Variants in B4GALT1 observed in about 807,000 individuals in gnomAD.
B4GALT1 encodes the protein beta-1,4-galactosyltransferase 1.
Under a neutral mutation model 34.9 loss-of-function variants are expected in B4GALT1, and 16 were observed. The observed-to-expected ratio is 0.46, with a 90% CI of 0.31 to 0.70. The LOEUF (loss-of-function observed/expected upper bound fraction) is 0.70. B4GALT1 is among the 30% of genes least tolerant of loss of function. B4GALT1 has a pLI of 0.05. For synonymous variants in B4GALT1, 221 were observed against 218.1 expected (o/e 1.01, Z -0.12); for missense variants, 445 against 530.5 (o/e 0.84, Z 1.58).
the B4GALT1 span, among the ~76,000 whole-genome samples, chr9:33,178,476 C>T: frequency 5.3e-4 from 81 of 152,302 alleles, no homozygotes; most frequent in Middle Eastern, 3.4e-3. Flanking sequence ...AAATAAACTG[C>T]GTGTCAGGAT....
chr9:33,126,648 T>C (rs953558835), intron 2 of B4GALT1, among the ~76,000 whole-genome samples: 1 of 152,246 alleles, frequency 6.6e-6, no homozygotes, highest in Non-Finnish European at 1.5e-5. Context: ...TTGTTAACTA[T>C]TGTTAACCAT....
rs10701535 is a variant in B4GALT1, at chr9:33,150,233, T to TACACACACACACACACACACACAC, written c.413-14833_413-14810dup. Reference sequence around the variant, plus strand: ...TAATATCTATCTATCTACAGGTAGATACACACACACACACACACACACACA... The same window carrying TACACACACACACACACACACACAC: ...TAATATCTATCTATCTACAGGTAGATACACACACACACACACACACACACACACACACACACACACACACACACA... On this transcript the variant is annotated intron_variant, in intron 1 of 5. Transcript: ENST00000379731. Among the ~76,000 whole-genome samples the TACACACACACACACACACACACAC allele has an allele frequency of 2.2e-5, 3 of 138,170 alleles. No individual in the cohort carries two copies. In the South Asian group the frequency reaches 7.3e-4, roughly 34 times the overall value. The allele number at this position is 138,170 out of a possible 152,430, so 90.6% of individuals were successfully genotyped here.
the B4GALT1 span, among the ~76,000 whole-genome samples, chr9:33,181,284 G>C: frequency 2.6e-5 from 4 of 152,018 alleles, no homozygotes; most frequent in Non-Finnish European, 5.9e-5. Context: ...AGCCAGGCGT[G>C]GTGGTGGTAT....
In B4GALT1 at chr9:33,112,455, G is replaced by A. The variant is rs757663178; in HGVS notation, c.*999C>T. On this transcript the variant is annotated 3_prime_UTR_variant, in exon 6 of 6. Coordinates refer to ENST00000379731, the MANE Select transcript of B4GALT1 (RefSeq NM_001497.4). ...AGGCCTTACCTGCCAAGGGGCCAGAGGGTGATTTTGCTCTTGAGAAAACCT... is the reference window on the plus strand; with the variant it reads ...AGGCCTTACCTGCCAAGGGGCCAGAAGGTGATTTTGCTCTTGAGAAAACCT... The A allele has an allele frequency of 3.3e-5, 5 of 152,664 alleles. No homozygotes were observed. The highest frequency in any genetic ancestry group is 7.2e-5 in the African/African-American group (3 of 41,464). The allele number at this position is 152,664 out of a possible 1,614,324, so 9.5% of individuals were successfully genotyped here. A position where few individuals can be genotyped will look rare whatever the true frequency, so the allele number is the denominator to read the frequency against.
In B4GALT1 at chr9:33,159,311, G is replaced by A. The variant is rs541584226; in HGVS notation, c.412+7447C>T. Among the ~76,000 whole-genome samples, 3 of 152,306 alleles carry A rather than the reference G, an allele frequency of 2.0e-5. No homozygotes were observed. The South Asian group carries it at 6.2e-4, about 32-fold the overall frequency. ...CAAGCAATGATTGAATCCCCTGCCA[G>A]GGACCCTCCCCATGACCTCTAGGCC... On this transcript the variant is annotated intron_variant, in intron 1 of 5. Coordinates refer to ENST00000379731, the MANE Select transcript of B4GALT1 (RefSeq NM_001497.4).
chr9:33,166,978 C>A lies in B4GALT1; in HGVS notation c.192G>T (p.Ser64=), dbSNP rs763747159. Residue 64 remains serine, a synonymous_variant, in exon 1 of 6, where the codon TCG becomes TCT. Coordinates refer to ENST00000379731, the MANE Select transcript of B4GALT1 (RefSeq NM_001497.4). ...VGVSTPLQGG[S]NSAAAIGQSS... ...ACTGCCCGATGGCGGCGGCACTGTTCGAGCCGCCCTGCAGCGGTGTGGAGA... is the reference window on the plus strand; with the variant it reads ...ACTGCCCGATGGCGGCGGCACTGTTAGAGCCGCCCTGCAGCGGTGTGGAGA... 6.3e-7 allele frequency: 1 copy of A among 1,585,456 alleles called. No homozygotes were observed. The highest frequency in any genetic ancestry group is 1.1e-5 in the South Asian group (1 of 89,022).
chr9:33,155,794 C>A (rs746974958), intron 1 of B4GALT1, among the ~76,000 whole-genome samples: 8 of 152,142 alleles, frequency 5.3e-5, no homozygotes, highest in Middle Eastern at 6.3e-3. Context: ...GCCTTTTGTG[C>A]CCAAGAAGAT....
At position 33,161,443 on chromosome 9, in the gene B4GALT1, T is replaced by G. The variant is rs896850250; in HGVS notation, c.412+5315A>C. On this transcript the variant is annotated intron_variant, in intron 1 of 5. Coordinates refer to ENST00000379731, the MANE Select transcript of B4GALT1 (RefSeq NM_001497.4). ...TCAGCTCACCCGGCAATGGCCCAGATCAACACAGAGGCCCCTACAACTCAG... is the reference window on the plus strand; with the variant it reads ...TCAGCTCACCCGGCAATGGCCCAGAGCAACACAGAGGCCCCTACAACTCAG... 8.5e-5 allele frequency among the ~76,000 whole-genome samples: 13 copies of G among 152,116 alleles called. No individual in the cohort carries two copies. The East Asian group carries it at 1.7e-3, about 20-fold the overall frequency.
At chr9:33,176,660 C>T in the B4GALT1 span, among the ~76,000 whole-genome samples, 1 of 152,116 alleles carries the variant, frequency 6.6e-6, no homozygotes, top group Non-Finnish European at 1.5e-5. Context: ...ACATTGAGTA[C>T]ACTCGGCACA....
chr9:33,137,991 C>A (rs1564045758), intron 1 of B4GALT1, among the ~76,000 whole-genome samples: 1 of 152,242 alleles, frequency 6.6e-6, no homozygotes, highest in Non-Finnish European at 1.5e-5. Context: ...AGCCCCCACC[C>A]CACCTTTGGT....
At chr9:33,113,632 TAAG>T in intron 5 of B4GALT1, 46 bp from the exon 6 acceptor site, 1 of 1,613,394 alleles carries the variant, frequency 6.2e-7, no homozygotes, top group Middle Eastern at 1.6e-4. Flanking sequence ...ACAAAAATCT[TAAG>T]AAGAAATCAT....
the B4GALT1 span, among the ~76,000 whole-genome samples, chr9:33,182,038 G>A: frequency 6.7e-6 from 1 of 150,228 alleles, no homozygotes; most frequent in African/African-American, 2.5e-5. Context: ...ATGCCACCAT[G>A]CCCAGCTAAT....
intron 2 of B4GALT1, among the ~76,000 whole-genome samples, chr9:33,128,292 GGT>G (rs1277678078): frequency 2.6e-5 from 4 of 152,160 alleles, no homozygotes; most frequent in African/African-American, 7.2e-5. Context: ...AAGGGAGAGA[GGT>G]GAGGAAAAGA....
At chr9:33,115,267 T>C (rs1839922819) in intron 4 of B4GALT1, among the ~76,000 whole-genome samples, 2 of 152,262 alleles carry the variant, frequency 1.3e-5, no homozygotes, top group Admixed American at 6.5e-5. Context: ...TTAGAAAGGC[T>C]GCACCAGGGT....
At chr9:33,109,339 T>C (rs1839828954), downstream of B4GALT1, among the ~76,000 whole-genome samples, 1 of 152,232 alleles carries the variant, frequency 6.6e-6, no homozygotes, top group African/African-American at 2.4e-5. Flanking sequence ...CCCCCATGCC[T>C]TGCCCTATGC....
At chr9:33,169,987 T>TTTTA (rs1840825210), upstream of B4GALT1, among the ~76,000 whole-genome samples, 1 of 149,824 alleles carries the variant, frequency 6.7e-6, no homozygotes, top group African/African-American at 2.5e-5. Flanking sequence ...TTTTTTTTTT[T>TTTTA]GAGACGGAGT....
chr9:33,122,160 AG>A, intron 2 of B4GALT1, among the ~76,000 whole-genome samples: 1 of 152,262 alleles, frequency 6.6e-6, no homozygotes, highest in Admixed American at 6.5e-5. Flanking sequence ...AGTGTGTCAT[AG>A]GGGCTTGCGA....
In B4GALT1 at chr9:33,116,065, T is replaced by C. The variant is rs1839933397; in HGVS notation, c.885A>G (p.Gln295=). Residue 295 remains glutamine (Q), a synonymous_variant, in exon 4 of 6, where the codon CAA becomes CAG. Transcript: ENST00000379731. The part of the protein sequence containing the change: ...YFGGVSALSK[Q]QFLTINGFPN... ...GAAATCCATTGATGGTTAGAAACTG[T>C]TGTTTACTTAGAGCAGAGACACCTC... 3 of 1,613,614 alleles carry C rather than the reference T, an allele frequency of 1.9e-6. No individual in the cohort carries two copies. The highest frequency in any genetic ancestry group is 1.7e-4 in the Middle Eastern group (1 of 6,058).
At chr9:33,134,434 G>A (rs1400245353) in intron 2 of B4GALT1, among the ~76,000 whole-genome samples, 1 of 152,046 alleles carries the variant, frequency 6.6e-6, no homozygotes, top group Non-Finnish European at 1.5e-5. Context: ...AAGTGTTAGG[G>A]GTAATCTTGA....
Sources: allele counts gnomAD v4.1 joint callset (sites outside exome capture counted in the v4.1 genomes callset), GRCh38; gene constraint gnomAD v4.1.1; transcripts MANE v1.5; gene names NCBI Gene and HGNC (gene_info 2026-07-23, HGNC 2026-07-21).